PCDH15: variants seen among roughly 807,000 people sequenced by gnomAD.
The protein encoded by PCDH15 is protocadherin related 15.
Under a neutral mutation model 178.5 loss-of-function variants are expected in PCDH15, and 129 were observed. The observed-to-expected ratio is 0.72, with a 90% confidence interval of 0.63 to 0.84. The LOEUF is 0.84. Ranked by LOEUF, PCDH15 falls within the 40% of genes least tolerant of loss-of-function variation. The probability of loss-of-function intolerance (pLI) is 0.00; values close to 1 mark genes in which losing one functional copy is unlikely to be tolerated. For synonymous variants in PCDH15, 800 were observed against 732.0 expected (o/e 1.09, Z -1.50); for missense variants, 2,230 against 2,099.9 (o/e 1.06, Z -1.21).
intron 3 of PCDH15, among the ~76,000 whole-genome samples, chr10:54,809,953 T>C (rs1417971184): frequency 6.6e-6 from 1 of 152,154 alleles, no homozygotes; most frequent in Non-Finnish European, 1.5e-5. Context: ...GACTTAAAAG[T>C]ACATTTTGGG....
At chr10:55,053,315 T>C (rs867902602) in intron 2 of PCDH15, among the ~76,000 whole-genome samples, 3 of 152,146 alleles carry the variant, frequency 2.0e-5, no homozygotes, top group Non-Finnish European at 4.4e-5. Context: ...CAGCATTTCA[T>C]TTCCAATTCC....
chr10:55,025,574 A>C (rs1412855974), intron 2 of PCDH15, among the ~76,000 whole-genome samples: 1 of 152,136 alleles, frequency 6.6e-6, no homozygotes, highest in East Asian at 1.9e-4. Context: ...TTCTGTGAAT[A>C]AATATTTACT....
intron 1 of PCDH15, among the ~76,000 whole-genome samples, chr10:55,247,161 A>C (rs1162814684): frequency 6.6e-6 from 1 of 152,186 alleles, no homozygotes; most frequent in Non-Finnish European, 1.5e-5. Flanking sequence ...TAGTTAAGGA[A>C]AATCTTTTTC....
chr10:54,153,543 C>T (rs1373585458), intron 13 of PCDH15, among the ~76,000 whole-genome samples: 1 of 152,046 alleles, frequency 6.6e-6, no homozygotes, highest in Admixed American at 6.6e-5. Flanking sequence ...AACTTTGGAT[C>T]TTGAAGGCTT....
At chr10:55,407,598 G>T (rs1340912561) in intron 2 of PCDH15, among the ~76,000 whole-genome samples, 1 of 152,162 alleles carries the variant, frequency 6.6e-6, no homozygotes, top group Non-Finnish European at 1.5e-5. Flanking sequence ...GCAGGGAAAA[G>T]ATCTGATGCA....
intron 2 of PCDH15, among the ~76,000 whole-genome samples, chr10:55,334,121 T>C (rs1414748159): frequency 1.3e-5 from 2 of 150,154 alleles, no homozygotes; most frequent in Non-Finnish European, 3.0e-5. Flanking sequence ...GTATAGTCAG[T>C]GTGCACATAT....
intron 1 of PCDH15, among the ~76,000 whole-genome samples, chr10:54,731,074 T>A (rs1050459047): frequency 6.6e-6 from 1 of 151,188 alleles, no homozygotes; most frequent in Non-Finnish European, 1.5e-5. Flanking sequence ...CAAAAATAGA[T>A]GAAATTAAAA....
At chr10:54,555,449 C>T (rs1399866422) in intron 2 of PCDH15, among the ~76,000 whole-genome samples, 1 of 151,770 alleles carries the variant, frequency 6.6e-6, no homozygotes, top group Non-Finnish European at 1.5e-5. Flanking sequence ...ATCACCTATT[C>T]AGCAGGGCAC....
At chr10:54,818,390 A>G (rs1952981385) in intron 3 of PCDH15, among the ~76,000 whole-genome samples, 1 of 152,050 alleles carries the variant, frequency 6.6e-6, no homozygotes. Flanking sequence ...TTCTTTCAAC[A>G]TACTTTTTTT....
At chr10:55,423,543 C>A (rs1174290490) in intron 2 of PCDH15, among the ~76,000 whole-genome samples, 1 of 151,878 alleles carries the variant, frequency 6.6e-6, no homozygotes, top group South Asian at 2.1e-4. Context: ...ATTTCCAGAG[C>A]TAATTAGCTC....
At chr10:55,135,585 T>C (rs1332675795) in intron 2 of PCDH15, among the ~76,000 whole-genome samples, 1 of 133,910 alleles carries the variant, frequency 7.5e-6, no homozygotes, top group Non-Finnish European at 1.6e-5. Context: ...TTTTTTTTTT[T>C]TTTTTTTTTT....
rs79547309 is a variant in PCDH15, at chr10:54,315,855, A to G, written c.876+1416T>C. Among the ~76,000 whole-genome samples the G allele has an allele frequency of 8.8e-3, 1,337 of 152,140 alleles. 16 individuals are homozygous for G. Among genetic ancestry groups the G allele is most frequent in the African/African-American group, 0.03 (1,230 of 41,536 alleles). ...GCAGTAGGTGTGCAGCCTTATAAAA[A>G]TTATGTTTGTCATCATTACTTTTAC... On this transcript the variant is annotated intron_variant, in intron 8 of 37. Coordinates refer to ENST00000644397, the MANE Select transcript of PCDH15 (RefSeq NM_001384140.1).
At chr10:53,895,095 G>C (rs149334956) in intron 26 of PCDH15, among the ~76,000 whole-genome samples, 3 of 152,114 alleles carry the variant, frequency 2.0e-5, no homozygotes, top group African/African-American at 7.2e-5. Flanking sequence ...GAAATGTGCT[G>C]GAGATGTTTT....
intron 26 of PCDH15, among the ~76,000 whole-genome samples, chr10:53,896,262 A>G (rs1311419031): frequency 1.3e-5 from 2 of 152,220 alleles, no homozygotes; most frequent in Non-Finnish European, 2.9e-5. Context: ...AAAGCCCAGC[A>G]GAAACAAAAA....
At chr10:53,836,545 C>T (rs1284274513) in intron 29 of PCDH15, among the ~76,000 whole-genome samples, 1 of 152,172 alleles carries the variant, frequency 6.6e-6, no homozygotes, top group Non-Finnish European at 1.5e-5. Context: ...TGAGTTGACA[C>T]CATTCCACCA....
intron 2 of PCDH15, among the ~76,000 whole-genome samples, chr10:55,614,333 G>T (rs1201926829): frequency 6.6e-6 from 1 of 152,046 alleles, no homozygotes; most frequent in Non-Finnish European, 1.5e-5. Context: ...TTTAGAGATT[G>T]TAATGAATTC....
chr10:55,501,103 C>T (rs1244176878), intron 2 of PCDH15, among the ~76,000 whole-genome samples: 1 of 151,628 alleles, frequency 6.6e-6, no homozygotes, highest in African/African-American at 2.4e-5. Context: ...AACTTCTGTC[C>T]TTTTAAGAAG....
At position 55,625,101 on chromosome 10, in the gene PCDH15, A is replaced by G. The variant is rs148226111; in HGVS notation, c.-156+2524T>C. Among the ~76,000 whole-genome samples the G allele has an allele frequency of 5.1e-3, 781 of 152,268 alleles. 7 individuals are homozygous for G. Among genetic ancestry groups the G allele is most frequent in the African/African-American group, 0.018 (755 of 41,568 alleles). ...ATAATCATAATGTTTAGTTAAAGCT[A>G]TCATCTAACCAAAGCCATCAGTACA... is the stretch of plus-strand genomic sequence containing the variant. On this transcript the variant is annotated intron_variant, in intron 2 of 5. Transcript: ENST00000613346.
intron 16 of PCDH15, among the ~76,000 whole-genome samples, chr10:54,088,659 A>G (rs1399039101): frequency 1.3e-5 from 2 of 152,190 alleles, no homozygotes; most frequent in African/African-American, 4.8e-5. Flanking sequence ...ATTTTCTTCT[A>G]TGTGGAATGC....
Sources: allele counts gnomAD v4.1 joint callset (sites outside exome capture counted in the v4.1 genomes callset), GRCh38; gene constraint gnomAD v4.1.1; transcripts MANE v1.5; gene names NCBI Gene and HGNC (gene_info 2026-07-23, HGNC 2026-07-21).